SDK1: variants seen among roughly 807,000 people sequenced by gnomAD.
SDK1 encodes the protein protein sidekick-1.
In SDK1, 157 loss-of-function variants were observed where a neutral mutation model predicts 245.5. The ratio of observed to expected loss-of-function variants is 0.64; its 90% CI spans 0.56 to 0.73. The LOEUF (loss-of-function observed/expected upper bound fraction) is 0.73, where lower values mean the gene tolerates loss of function less well. Ranked by LOEUF, SDK1 falls within the 30% of genes least tolerant of loss-of-function variation. The pLI is 0.00. For missense variants in SDK1, 3,583 were observed against 3,002.3 expected, an observed-to-expected ratio of 1.19 and a Z score of -4.52; for synonymous variants, 1,647 against 1,278.5, an observed-to-expected ratio of 1.29 and a Z score of -6.15.
At chr7:4,038,055 C>T (rs1160397455) in intron 17 of SDK1, among the ~76,000 whole-genome samples, 1 of 152,208 alleles carries the variant, frequency 6.6e-6, no homozygotes, top group Non-Finnish European at 1.5e-5. Flanking sequence ...ACATAGGCTG[C>T]CCAGCTCACA....
chr7:3,729,457 G>A (rs1421387014), intron 4 of SDK1, among the ~76,000 whole-genome samples: 3 of 152,128 alleles, frequency 2.0e-5, no homozygotes, highest in Non-Finnish European at 4.4e-5. Flanking sequence ...AACTGGGTGG[G>A]GGCCACATTT....
intron 1 of SDK1, among the ~76,000 whole-genome samples, chr7:3,356,307 G>T (rs570307311): frequency 6.6e-6 from 1 of 152,270 alleles, no homozygotes; most frequent in East Asian, 1.9e-4. Context: ...CAGATGTACA[G>T]TTCAACCAAC....
At chr7:3,866,686 C>T (rs1225137536) in intron 5 of SDK1, among the ~76,000 whole-genome samples, 1 of 152,140 alleles carries the variant, frequency 6.6e-6, no homozygotes, top group African/African-American at 2.4e-5. Context: ...AAAAGAGAGA[C>T]TGAGCATTGA....
intron 44 of SDK1, among the ~76,000 whole-genome samples, chr7:4,261,832 C>T (rs1285924217): frequency 2.6e-5 from 4 of 151,872 alleles, no homozygotes; most frequent in Admixed American, 6.6e-5. Flanking sequence ...GCGTTAGTTC[C>T]GCAGCAGCGC....
At chr7:3,669,536 C>T (rs1384085982) in intron 4 of SDK1, among the ~76,000 whole-genome samples, 1 of 152,038 alleles carries the variant, frequency 6.6e-6, no homozygotes, top group Non-Finnish European at 1.5e-5. Context: ...ACACAACACA[C>T]TCCTGCTCAT....
chr7:3,787,935 C>A (rs537748394), intron 4 of SDK1, among the ~76,000 whole-genome samples: 1 of 152,182 alleles, frequency 6.6e-6, no homozygotes, highest in Admixed American at 6.5e-5. Flanking sequence ...AAGCCACTCT[C>A]AGAAGTCTGA....
At chr7:3,769,034 C>G (rs1780333958) in intron 4 of SDK1, among the ~76,000 whole-genome samples, 1 of 152,072 alleles carries the variant, frequency 6.6e-6, no homozygotes. Context: ...CTCTTGGTGC[C>G]CTAAAACCTT....
intron 4 of SDK1, among the ~76,000 whole-genome samples, chr7:3,792,749 A>G: frequency 1.4e-5 from 2 of 145,608 alleles, no homozygotes; most frequent in South Asian, 4.4e-4. Context: ...TCCAACTACT[A>G]CCCCCTCCCC....
intron 5 of SDK1, among the ~76,000 whole-genome samples, chr7:3,926,741 G>A (rs545694038): frequency 6.2e-4 from 94 of 152,288 alleles, no homozygotes; most frequent in Non-Finnish European, 6.3e-4. Flanking sequence ...CACTTTCTAC[G>A]ACTCCGTAAG....
At chr7:3,553,178 G>C (rs1583158806) in intron 1 of SDK1, among the ~76,000 whole-genome samples, 2 of 152,058 alleles carry the variant, frequency 1.3e-5, no homozygotes, top group East Asian at 3.9e-4. Flanking sequence ...GACATTTTCT[G>C]AGTGTCTATT....
intron 1 of SDK1, among the ~76,000 whole-genome samples, chr7:3,343,866 A>G (rs533236392): frequency 6.6e-6 from 1 of 152,164 alleles, no homozygotes; most frequent in Non-Finnish European, 1.5e-5. Context: ...CAAACAAAAA[A>G]CAGAATGGCA....
In SDK1 at chr7:3,662,575, G is replaced by A. The variant is rs375621433; in HGVS notation, c.713+20470G>A. On this transcript the variant is annotated intron_variant, in intron 4 of 44. Coordinates refer to ENST00000404826, the MANE Select transcript of SDK1 (RefSeq NM_152744.4). ...GAGAAGAAGGGTGCTGACAAGGGCC[G>A]CTGCGGGGACGATTGGGAGCTCACA... Among the ~76,000 whole-genome samples, 7 of 152,208 alleles carry A rather than the reference G, an allele frequency of 4.6e-5. No homozygotes were observed. The South Asian group carries it at 6.2e-4, about 14-fold the overall frequency.
chr7:3,703,370 C>A (rs1784792275), intron 4 of SDK1, among the ~76,000 whole-genome samples: 1 of 152,156 alleles, frequency 6.6e-6, no homozygotes, highest in African/African-American at 2.4e-5. Context: ...CTTGAAAGGT[C>A]ACATGTTGTA....
chr7:4,049,341 G>A lies in SDK1; in HGVS notation c.2603-7G>A, dbSNP rs761936044. On this transcript the variant is annotated splice_region_variant and splice_polypyrimidine_tract_variant and intron_variant, in intron 17 of 44. Transcript: ENST00000404826. ...TTCTGCTGTCATCAATGACTGCCCTGCCACAGTGCCCACCGCGCCCCCGCA... is the reference window on the plus strand; with the variant it reads ...TTCTGCTGTCATCAATGACTGCCCTACCACAGTGCCCACCGCGCCCCCGCA... 6.2e-7 allele frequency: 1 copy of A among 1,612,334 alleles called. No homozygotes were observed. The highest frequency in any genetic ancestry group is 1.7e-5 in the Admixed American group (1 of 60,020).
At chr7:3,859,239 T>G (rs1780625391) in intron 5 of SDK1, among the ~76,000 whole-genome samples, 1 of 152,100 alleles carries the variant, frequency 6.6e-6, no homozygotes, top group Non-Finnish European at 1.5e-5. Flanking sequence ...GGGGCTCAAC[T>G]TTGATCCACC....
chr7:3,379,313 C>T (rs1213099461), intron 1 of SDK1, among the ~76,000 whole-genome samples: 1 of 152,088 alleles, frequency 6.6e-6, no homozygotes, highest in Non-Finnish European at 1.5e-5. Context: ...AGTTCTTGTT[C>T]TGTGAGGAGA....
chr7:3,511,548 T>A (rs1782578115), intron 1 of SDK1, among the ~76,000 whole-genome samples: 1 of 152,188 alleles, frequency 6.6e-6, no homozygotes, highest in Non-Finnish European at 1.5e-5. Flanking sequence ...TTAAATGGCT[T>A]GTCAAAATGT....
chr7:4,238,864 CA>C (rs902536876), intron 42 of SDK1, among the ~76,000 whole-genome samples: 65 of 142,460 alleles, frequency 4.6e-4, no homozygotes, highest in Middle Eastern at 7.2e-3. Flanking sequence ...CTGTCTCTTA[CA>C]AAAAAAAAAA....
At chr7:3,684,484 G>A (rs144804934) in intron 4 of SDK1, among the ~76,000 whole-genome samples, 1 of 152,312 alleles carries the variant, frequency 6.6e-6, no homozygotes, top group Non-Finnish European at 1.5e-5. Context: ...CACATACCCA[G>A]CCGGCCTTTA....
Sources: gnomAD v4.1 joint callset for allele counts (sites outside exome capture counted in the v4.1 genomes callset) on GRCh38, gnomAD v4.1.1 for gene constraint, MANE v1.5 for transcripts, NCBI Gene and HGNC (gene_info 2026-07-23, HGNC 2026-07-21) for gene names.